Variants in FAM184B observed in about 807,000 individuals in gnomAD.
FAM184B encodes the protein protein FAM184B.
Under a neutral mutation model 135.9 loss-of-function variants are expected in FAM184B, and 111 were observed. That is an observed-to-expected ratio of 0.82 (90% CI 0.70 to 0.96). The LOEUF (loss-of-function observed/expected upper bound fraction) is 0.96. FAM184B is among the 40% of genes least tolerant of loss of function. The pLI is 0.00. For missense variants in FAM184B, 1,375 were observed against 1,323.9 expected (o/e 1.04, Z -0.60); for synonymous variants, 552 against 524.8 (o/e 1.05, Z -0.71).
Position 17,653,915 on chromosome 4 carries a change from A to AGCGAGGGAGG in FAM184B, c.2038-933_2038-932insCCTCCCTCGC, listed in dbSNP as rs1560168654. Among the ~76,000 whole-genome samples the AGCGAGGGAGG allele has an allele frequency of 7.2e-3, 13 of 1,804 alleles. No individual in the cohort carries two copies. The East Asian group carries it at 0.5, about 69-fold the overall frequency. The allele number at this position is 1,804 out of a possible 152,430, so 1.2% of individuals were successfully genotyped here. On this transcript the variant is annotated intron_variant, in intron 10 of 17. Transcript: ENST00000265018. ...AGAGTTGATGGTGGAAGCAGAGGTC[A>AGCGAGGGAGG]GAGAGGGAGGGGGAGGGGGATTTGA...
At chr4:17,683,265 T>C (rs1300597546) in intron 7 of FAM184B, among the ~76,000 whole-genome samples, 1 of 152,136 alleles carries the variant, frequency 6.6e-6, no homozygotes, top group Non-Finnish European at 1.5e-5. Context: ...CCTCAGTGAG[T>C]GGCAAGTGAT....
intron 1 of FAM184B, among the ~76,000 whole-genome samples, chr4:17,740,078 G>A (rs578196869): frequency 3.9e-5 from 6 of 152,160 alleles, no homozygotes; most frequent in Middle Eastern, 3.4e-3. Context: ...GCAGCTGGGC[G>A]TCATGGTTCA....
intron 7 of FAM184B, among the ~76,000 whole-genome samples, chr4:17,676,259 A>AG (rs1433037549): frequency 6.6e-6 from 1 of 152,210 alleles, no homozygotes; most frequent in African/African-American, 2.4e-5. Context: ...AAGGATAGAG[A>AG]GGGAAAGACG....
intron 1 of FAM184B, among the ~76,000 whole-genome samples, chr4:17,759,237 T>C (rs748925123): frequency 1.3e-5 from 2 of 152,178 alleles, no homozygotes; most frequent in Non-Finnish European, 2.9e-5. Flanking sequence ...TCCCCAATGT[T>C]GGAAGATTGG....
intron 7 of FAM184B, among the ~76,000 whole-genome samples, chr4:17,676,689 C>T (rs984269931): frequency 1.5e-4 from 23 of 152,124 alleles, no homozygotes; most frequent in African/African-American, 5.6e-4. Context: ...TGAAAAATTC[C>T]TATTGCCTAA....
Position 17,633,904 on chromosome 4 carries a change from G to A in FAM184B, c.2890-16C>T. On this transcript the variant is annotated splice_polypyrimidine_tract_variant and intron_variant, in intron 16 of 17. Transcript: ENST00000265018. Reference sequence around the variant, plus strand: ...CCTTCTTTTTCTGTTTGTATTAATGGACAGGTTAGTGCAATGCAATGCAAA... The same window carrying A: ...CCTTCTTTTTCTGTTTGTATTAATGAACAGGTTAGTGCAATGCAATGCAAA... The A allele has an allele frequency of 6.5e-7, 1 of 1,527,298 alleles. No individual in the cohort carries two copies. Among genetic ancestry groups the A allele is most frequent in the Non-Finnish European group, 8.8e-7 (1 of 1,136,040 alleles). 94.6% of individuals were successfully genotyped at this position (1,527,298 alleles called of 1,614,324 possible).
chr4:17,658,948 G>T (rs1428732793), intron 9 of FAM184B, among the ~76,000 whole-genome samples: 1 of 151,822 alleles, frequency 6.6e-6, no homozygotes, highest in Non-Finnish European at 1.5e-5. Flanking sequence ...CCCATCACAG[G>T]ACAGCCTCCC....
intron 1 of FAM184B, among the ~76,000 whole-genome samples, chr4:17,746,968 G>A (rs1042119456): frequency 1.3e-5 from 2 of 150,966 alleles, no homozygotes; most frequent in Non-Finnish European, 2.9e-5. Context: ...AGCCCTGGAG[G>A]TGGAGTTTGC....
intron 1 of FAM184B, among the ~76,000 whole-genome samples, chr4:17,759,025 G>T (rs1000817801): frequency 6.6e-6 from 1 of 152,192 alleles, no homozygotes; most frequent in Non-Finnish European, 1.5e-5. Context: ...TTCTCAGAGA[G>T]ACAGTTTACG....
chr4:17,687,990 C>G (rs1250635742), intron 7 of FAM184B, among the ~76,000 whole-genome samples: 2 of 152,126 alleles, frequency 1.3e-5, no homozygotes, highest in Non-Finnish European at 2.9e-5. Flanking sequence ...AGCGGCGTCC[C>G]TGAAACGGCA....
intron 1 of FAM184B, among the ~76,000 whole-genome samples, chr4:17,771,122 A>G (rs1718810712): frequency 6.6e-6 from 1 of 152,154 alleles, no homozygotes; most frequent in Admixed American, 6.5e-5. Flanking sequence ...TTGGGTATAT[A>G]CCTGGGAGTG....
chr4:17,661,266 A>G (rs1313895135), intron 8 of FAM184B, among the ~76,000 whole-genome samples: 2 of 152,074 alleles, frequency 1.3e-5, no homozygotes, highest in Non-Finnish European at 2.9e-5. Flanking sequence ...AGAACTAACT[A>G]CGGGCTGGGT....
chr4:17,710,327 A>AAC (rs1717235265), intron 1 of FAM184B, among the ~76,000 whole-genome samples: 1 of 151,070 alleles, frequency 6.6e-6, no homozygotes, highest in Non-Finnish European at 1.5e-5. Context: ...CTCCATCACA[A>AAC]AAACAAACAA....
At chr4:17,687,052 C>G (rs1282687339) in intron 7 of FAM184B, among the ~76,000 whole-genome samples, 1 of 152,198 alleles carries the variant, frequency 6.6e-6, no homozygotes, top group East Asian at 1.9e-4. Flanking sequence ...GATTTTGGCT[C>G]ATTTTTGCCC....
intron 12 of FAM184B, among the ~76,000 whole-genome samples, chr4:17,647,279 G>A (rs200236597): frequency 4.8e-4 from 69 of 143,186 alleles, no homozygotes; most frequent in African/African-American, 1.7e-3. Flanking sequence ...TTGAGACAGG[G>A]TCTTGCTATG....
intron 1 of FAM184B, among the ~76,000 whole-genome samples, chr4:17,722,714 C>T (rs1409483914): frequency 6.6e-6 from 1 of 152,204 alleles, no homozygotes; most frequent in East Asian, 1.9e-4. Flanking sequence ...CCCAGGGAGT[C>T]TCCCCACTGC....
intron 2 of FAM184B, among the ~76,000 whole-genome samples, chr4:17,708,379 T>A (rs909878050): frequency 2.0e-5 from 3 of 151,798 alleles, no homozygotes; most frequent in African/African-American, 7.3e-5. Context: ...GCGCAGTGGC[T>A]CGAGTCTGTA....
At chr4:17,691,514 C>T (rs938991353) in intron 6 of FAM184B, among the ~76,000 whole-genome samples, 17 of 151,806 alleles carry the variant, frequency 1.1e-4, no homozygotes, top group Non-Finnish European at 4.4e-5. Context: ...GGTGAAACCC[C>T]GTCTTTACTA....
At chr4:17,718,659 T>C (rs907349462) in intron 1 of FAM184B, among the ~76,000 whole-genome samples, 2 of 152,232 alleles carry the variant, frequency 1.3e-5, no homozygotes, top group African/African-American at 4.8e-5. Flanking sequence ...GATATGTTTA[T>C]GTGCTTTGGC....
Sources: allele counts gnomAD v4.1 joint callset (sites outside exome capture counted in the v4.1 genomes callset), GRCh38; gene constraint gnomAD v4.1.1; transcripts MANE v1.5; gene names NCBI Gene and HGNC (gene_info 2026-07-23, HGNC 2026-07-21).